Variants in ZBTB16 observed in about 807,000 individuals in gnomAD.
The protein encoded by ZBTB16 is zinc finger and BTB domain-containing protein 16.
In ZBTB16, 8 loss-of-function variants were observed where a neutral mutation model predicts 56.8. The ratio of observed to expected loss-of-function variants is 0.14; its 90% CI spans 0.08 to 0.25. The LOEUF (loss-of-function observed/expected upper bound fraction) is 0.25. ZBTB16 is among the 10% of genes least tolerant of loss of function. The probability of loss-of-function intolerance (pLI) is 1.00; values close to 1 mark genes in which losing one functional copy is unlikely to be tolerated. For missense variants in ZBTB16, 625 were observed against 903.0 expected, an observed-to-expected ratio of 0.69 and a Z score of 3.95; for synonymous variants, 363 against 368.5, an observed-to-expected ratio of 0.98 and a Z score of 0.17.
Position 114,251,592 on chromosome 11 carries a change from A to G in ZBTB16, c.*1037A>G, listed in dbSNP as rs930418014. 6.6e-6 allele frequency among the ~76,000 whole-genome samples: 1 copy of G among 152,138 alleles called. No individual in the cohort carries two copies. The highest frequency in any genetic ancestry group is 2.4e-5 in the African/African-American group (1 of 41,442). ...GGGTCCCACACCTGGAAAAGAGGACACCCAGCCCGTGGGATGAGGGAAGCT... is the reference window on the plus strand; with the variant it reads ...GGGTCCCACACCTGGAAAAGAGGACGCCCAGCCCGTGGGATGAGGGAAGCT... On this transcript the variant is annotated 3_prime_UTR_variant, in exon 7 of 7. Coordinates refer to ENST00000335953, the MANE Select transcript of ZBTB16 (RefSeq NM_006006.6).
At chr11:114,137,762 A>T (rs1941835798) in intron 2 of ZBTB16, among the ~76,000 whole-genome samples, 1 of 152,192 alleles carries the variant, frequency 6.6e-6, no homozygotes, top group African/African-American at 2.4e-5. Flanking sequence ...TGGAGAAAAC[A>T]GTGTAGCAAG....
At chr11:114,233,083 A>G (rs1178217) in intron 4 of ZBTB16, among the ~76,000 whole-genome samples, 38,624 of 89,888 alleles carry the variant, frequency 0.43, 8,119 homozygotes, top group East Asian at 0.48. Flanking sequence ...GCGCGCGCGC[A>G]CACACACACA....
At position 114,137,321 on chromosome 11, in the gene ZBTB16, T is replaced by C. The variant is rs7940257; in HGVS notation, c.1269-19016T>C. ...TTAAAGAAGCCGTTGGTCTTCCCAC[T>C]CATACCGCTGCCCTCTCCCTAGCTC... On this transcript the variant is annotated intron_variant, in intron 2 of 6. Transcript: ENST00000335953. Among the ~76,000 whole-genome samples the C allele has an allele frequency of 5.0e-3, 756 of 152,292 alleles. 6 individuals carry two copies. Among genetic ancestry groups the C allele is most frequent in the African/African-American group, 0.017 (707 of 41,572 alleles).
intron 3 of ZBTB16, among the ~76,000 whole-genome samples, chr11:114,163,914 C>T (rs1942668372): frequency 6.6e-6 from 1 of 152,212 alleles, no homozygotes. Flanking sequence ...GTTTGCCCAA[C>T]AGGCTCGACA....
intron 3 of ZBTB16, among the ~76,000 whole-genome samples, chr11:114,170,840 C>T (rs1307010378): frequency 6.6e-6 from 1 of 152,222 alleles, no homozygotes; most frequent in African/African-American, 2.4e-5. Flanking sequence ...ACAGAACTCT[C>T]TGAAACTTTG....
Position 114,180,270 on chromosome 11 carries a change from C to T in ZBTB16, c.1367-6682C>T, listed in dbSNP as rs75008574. 5.3e-3 allele frequency among the ~76,000 whole-genome samples: 803 copies of T among 152,320 alleles called. 11 individuals carry two copies. Among genetic ancestry groups the T allele is most frequent in the African/African-American group, 0.018 (758 of 41,564 alleles). Reference sequence around the variant, plus strand: ...GGTGCTTAGAACATCCCGAAGCCCTCATCTGCAGGGTACCTGGGAGACTGG... The same window carrying T: ...GGTGCTTAGAACATCCCGAAGCCCTTATCTGCAGGGTACCTGGGAGACTGG... On this transcript the variant is annotated intron_variant, in intron 3 of 6. Coordinates refer to ENST00000335953, the MANE Select transcript of ZBTB16 (RefSeq NM_006006.6).
chr11:114,242,339 TAGGTCAGTCC>T lies in ZBTB16; in HGVS notation c.1624+5_1624+14del, dbSNP rs1180938698. ...AACGCCACCTGCGCTCACATACAGG[TAGGTCAGTCC>T]AGCTGATGGGTGGATCTGGGTCTCT... On this transcript the variant is annotated splice_donor_5th_base_variant and intron_variant, in intron 5 of 6. Transcript: ENST00000335953. 1 of 1,613,084 alleles carries T rather than the reference TAGGTCAGTCC, an allele frequency of 6.2e-7. No homozygotes were observed. Among genetic ancestry groups the T allele is most frequent in the African/African-American group, 1.3e-5 (1 of 74,924 alleles).
intron 3 of ZBTB16, among the ~76,000 whole-genome samples, chr11:114,186,662 C>T (rs779634387): frequency 2.0e-5 from 3 of 152,202 alleles, no homozygotes; most frequent in Non-Finnish European, 2.9e-5. Flanking sequence ...GTCTTCAGAT[C>T]CTCCTTCTTC....
chr11:114,085,586 T>C (rs541152659), intron 2 of ZBTB16, among the ~76,000 whole-genome samples: 2 of 152,210 alleles, frequency 1.3e-5, no homozygotes, highest in South Asian at 4.2e-4. Context: ...AGGAGAGGAA[T>C]TGAATTTTGA....
At chr11:114,235,140 T>G (rs1412177566) in intron 4 of ZBTB16, among the ~76,000 whole-genome samples, 1 of 152,118 alleles carries the variant, frequency 6.6e-6, no homozygotes, top group Non-Finnish European at 1.5e-5. Flanking sequence ...GAAGAAGCTT[T>G]CGGGGTGGCA....
At chr11:114,065,028 T>G (rs1238116280) in intron 2 of ZBTB16, among the ~76,000 whole-genome samples, 1 of 152,170 alleles carries the variant, frequency 6.6e-6, no homozygotes, top group African/African-American at 2.4e-5. Context: ...TTCTGCAGCT[T>G]GGGAGAATGG....
In ZBTB16 at chr11:114,199,312, C is replaced by T. The variant is rs569778088; in HGVS notation, c.1453+12274C>T. Among the ~76,000 whole-genome samples, 3 of 150,928 alleles carry T rather than the reference C, an allele frequency of 2.0e-5. No individual in the cohort carries two copies. In the South Asian group the frequency reaches 6.3e-4, roughly 32 times the overall value. ...GATGCCGGACATGGATGCCGCTGGGCCCCGGGATGGGGATGCCGGACATGG... is the reference window on the plus strand; with the variant it reads ...GATGCCGGACATGGATGCCGCTGGGTCCCGGGATGGGGATGCCGGACATGG... On this transcript the variant is annotated intron_variant, in intron 4 of 6. Transcript: ENST00000335953.
chr11:114,062,604 G>T (rs1938927838), intron 1 of ZBTB16, among the ~76,000 whole-genome samples: 1 of 152,232 alleles, frequency 6.6e-6, no homozygotes, highest in African/African-American at 2.4e-5. Context: ...ACAGTAGAAG[G>T]CCAGAGGCCA....
At chr11:114,156,790 G>A (rs985120980) in intron 3 of ZBTB16, among the ~76,000 whole-genome samples, 4 of 152,232 alleles carry the variant, frequency 2.6e-5, no homozygotes, top group African/African-American at 7.2e-5. Context: ...TTATACAGGA[G>A]CCTTTAATTA....
At position 114,156,447 on chromosome 11, in the gene ZBTB16, G is replaced by A. The variant is rs767023648; in HGVS notation, c.1366+13G>A. ...CTGGCTCATTCAGGTAGGCAAGTTC[G>A]CCTTAGTGGCCCGTTCAGATACAGG... is the stretch of plus-strand genomic sequence containing the variant. On this transcript the variant is annotated intron_variant, in intron 3 of 6. Coordinates refer to ENST00000335953, the MANE Select transcript of ZBTB16 (RefSeq NM_006006.6). 1.4e-5 allele frequency: 23 copies of A among 1,612,944 alleles called. No homozygotes were observed. The highest frequency in any genetic ancestry group is 4.5e-5 in the East Asian group (2 of 44,888).
At chr11:114,155,311 T>C (rs1184495243) in intron 2 of ZBTB16, among the ~76,000 whole-genome samples, 1 of 152,180 alleles carries the variant, frequency 6.6e-6, no homozygotes, top group Non-Finnish European at 1.5e-5. Context: ...CAATAGCATG[T>C]ATGGGCCTGA....
At chr11:114,199,662 G>A (rs1410386437) in intron 4 of ZBTB16, among the ~76,000 whole-genome samples, 2 of 152,200 alleles carry the variant, frequency 1.3e-5, no homozygotes, top group Non-Finnish European at 2.9e-5. Context: ...TTCTCTCAAA[G>A]GTAGTGTGTA....
chr11:114,165,913 T>C (rs1334435794), intron 3 of ZBTB16, among the ~76,000 whole-genome samples: 1 of 152,124 alleles, frequency 6.6e-6, no homozygotes, highest in Non-Finnish European at 1.5e-5. Flanking sequence ...CTTTGGCAAA[T>C]GGCTGCAGGT....
At chr11:114,247,522 A>G (rs1465013399) in intron 6 of ZBTB16, among the ~76,000 whole-genome samples, 157 bp downstream of exon 6, 2 of 129,006 alleles carry the variant, frequency 1.6e-5, no homozygotes, top group African/African-American at 5.3e-5. Context: ...CCTGAGGACC[A>G]CCACACCCCA....
Sources: gnomAD v4.1 joint callset for allele counts (sites outside exome capture counted in the v4.1 genomes callset) on GRCh38, gnomAD v4.1.1 for gene constraint, MANE v1.5 for transcripts, NCBI Gene and HGNC (gene_info 2026-07-23, HGNC 2026-07-21) for gene names.